The following SMOC2 variants were observed in gnomAD, a reference collection of about 807,000 sequenced individuals.
SMOC2 encodes SPARC-related modular calcium-binding protein 2.
Under a neutral mutation model 61.4 loss-of-function variants are expected in SMOC2, and 39 were observed. The observed-to-expected ratio is 0.64, with a 90% CI of 0.49 to 0.83. The LOEUF is 0.83. SMOC2 is among the 40% of genes least tolerant of loss of function. The probability of loss-of-function intolerance (pLI) is 0.00; values close to 1 mark genes in which losing one functional copy is unlikely to be tolerated. For synonymous variants in SMOC2, 247 were observed against 239.9 expected (o/e 1.03, Z -0.27); for missense variants, 556 against 592.9 (o/e 0.94, Z 0.65).
chr6:168,599,221 C>T (rs563200149), intron 8 of SMOC2, among the ~76,000 whole-genome samples: 1 of 147,376 alleles, frequency 6.8e-6, no homozygotes, highest in Non-Finnish European at 1.5e-5. Context: ...TACCCACACA[C>T]ACCCATGGTC....
At position 168,482,148 on chromosome 6, in the gene SMOC2, A is replaced by G. The variant is rs183188898; in HGVS notation, c.85-27767A>G. Among the ~76,000 whole-genome samples, 9 of 152,096 alleles carry G rather than the reference A, an allele frequency of 5.9e-5. No homozygotes were observed. In the East Asian group the frequency reaches 1.7e-3, roughly 29 times the overall value. ...ATAAAATTGATAACATTTTAGCTAC[A>G]TAGACTAAGAAAAAAAGAGACGTTT... On this transcript the variant is annotated intron_variant, in intron 1 of 12. Coordinates refer to ENST00000356284, the MANE Select transcript of SMOC2 (RefSeq NM_001166412.2).
intron 1 of SMOC2, among the ~76,000 whole-genome samples, chr6:168,471,678 G>T (rs1394342170): frequency 1.3e-5 from 2 of 152,158 alleles, no homozygotes; most frequent in African/African-American, 2.4e-5. Context: ...AATATACAAG[G>T]ACTCTGTTTT....
intron 1 of SMOC2, among the ~76,000 whole-genome samples, chr6:168,488,275 T>C (rs942069555): frequency 2.0e-5 from 3 of 152,244 alleles, no homozygotes; most frequent in Admixed American, 2.0e-4. Flanking sequence ...CCATGGCCGC[T>C]TCCCCCCATG....
intron 1 of SMOC2, among the ~76,000 whole-genome samples, chr6:168,463,847 G>A (rs62424587): frequency 6.6e-6 from 1 of 152,262 alleles, no homozygotes; most frequent in South Asian, 2.1e-4. Flanking sequence ...CTGAGATGAT[G>A]TCTGGAGAAC....
intron 7 of SMOC2, among the ~76,000 whole-genome samples, chr6:168,562,659 C>T (rs372388292): frequency 1.3e-5 from 2 of 152,176 alleles, no homozygotes; most frequent in South Asian, 2.1e-4. Context: ...TCAGAGGGTG[C>T]GTTTCTGATT....
chr6:168,456,548 A>G (rs1243415533), intron 1 of SMOC2, among the ~76,000 whole-genome samples: 1 of 152,228 alleles, frequency 6.6e-6, no homozygotes, highest in Non-Finnish European at 1.5e-5. Flanking sequence ...CTTGGTGGCC[A>G]CAGTGACTCT....
intron 1 of SMOC2, among the ~76,000 whole-genome samples, chr6:168,454,264 G>C (rs1781530455): frequency 2.6e-5 from 4 of 152,144 alleles, no homozygotes; most frequent in Admixed American, 6.5e-5. Flanking sequence ...GGAGGCCCAA[G>C]GGCTCTGTGG....
intron 7 of SMOC2, among the ~76,000 whole-genome samples, chr6:168,552,386 G>T (rs768127978): frequency 8.6e-5 from 13 of 151,902 alleles, no homozygotes; most frequent in South Asian, 2.1e-4. Flanking sequence ...AATAATTTGG[G>T]TATTTAAAAA....
intron 9 of SMOC2, among the ~76,000 whole-genome samples, chr6:168,621,863 G>A (rs1259459478): frequency 1.3e-5 from 2 of 152,170 alleles, no homozygotes; most frequent in South Asian, 2.1e-4. Flanking sequence ...GGGACACAGA[G>A]CCAAACCATA....
chr6:168,643,134 C>T (rs1206437134), intron 9 of SMOC2, among the ~76,000 whole-genome samples: 2 of 152,154 alleles, frequency 1.3e-5, no homozygotes, highest in Non-Finnish European at 2.9e-5. Context: ...CCAGGGTCCC[C>T]GTTCCAAACT....
In SMOC2 at chr6:168,544,910, G is replaced by A. The variant is rs1360158780; in HGVS notation, c.511+1238G>A. 6.6e-6 allele frequency among the ~76,000 whole-genome samples: 1 copy of A among 152,138 alleles called. No homozygotes were observed. Among genetic ancestry groups the A allele is most frequent in the Non-Finnish European group, 1.5e-5 (1 of 68,024 alleles). ...AGGCAGGACTGGCTTCCTGGAAGGG[G>A]AAATATGTAACAGGTGTGAGCTGGA... On this transcript the variant is annotated intron_variant, in intron 5 of 12. Transcript: ENST00000356284. This position sits in a 1 kb window ranked among gnomAD's most constrained non-coding sequence, Gnocchi z 4.1.
At chr6:168,515,269 G>A (rs1182845147) in intron 2 of SMOC2, among the ~76,000 whole-genome samples, 3 of 152,142 alleles carry the variant, frequency 2.0e-5, no homozygotes, top group African/African-American at 7.2e-5. Context: ...TGGAAAGAAC[G>A]CACAGACACC....
intron 12 of SMOC2, 117 bp from the exon 13 acceptor site, chr6:168,666,304 A>G: frequency 1.7e-6 from 2 of 1,146,584 alleles, no homozygotes; most frequent in Non-Finnish European, 1.3e-6. Flanking sequence ...TACACCTCAC[A>G]TGACCTGCCC....
chr6:168,550,674 A>T (rs970495579), intron 7 of SMOC2, among the ~76,000 whole-genome samples: 5 of 152,172 alleles, frequency 3.3e-5, no homozygotes, highest in Non-Finnish European at 7.3e-5. Flanking sequence ...GGAGATGAGG[A>T]AGGGCAAACC....
At chr6:168,580,400 G>T (rs1322687890) in intron 7 of SMOC2, among the ~76,000 whole-genome samples, 1 of 152,234 alleles carries the variant, frequency 6.6e-6, no homozygotes. Flanking sequence ...AGAGGCAGGG[G>T]TGCCGTTTTA....
intron 2 of SMOC2, among the ~76,000 whole-genome samples, chr6:168,515,451 C>T (rs941764115): frequency 1.4e-4 from 4 of 27,998 alleles, no homozygotes; most frequent in Non-Finnish European, 3.7e-4. Context: ...AGGCTCCGTC[C>T]GCTTTCCGCT....
intron 9 of SMOC2, among the ~76,000 whole-genome samples, chr6:168,610,991 C>T (rs974602898): frequency 6.6e-5 from 10 of 152,250 alleles, no homozygotes; most frequent in African/African-American, 2.4e-4. Context: ...ACCACACCTT[C>T]TTCTTGGACA....
intron 2 of SMOC2, among the ~76,000 whole-genome samples, chr6:168,513,342 G>GTT (rs66518172): frequency 1.7e-4 from 25 of 151,184 alleles, no homozygotes; most frequent in African/African-American, 3.6e-4. Flanking sequence ...GTCCTTATAG[G>GTT]TTTTTTTTTC....
chr6:168,453,818 A>G lies in SMOC2; in HGVS notation c.84+12364A>G, dbSNP rs962825442. ...CTGTCATTCTCCATCTCTGTCCTCT[A>G]TCTCTCTCCGTCTCTCTGTTTGTCT... On this transcript the variant is annotated intron_variant, in intron 1 of 12. Transcript: ENST00000356284. This position sits in a 1 kb window ranked among gnomAD's most constrained non-coding sequence, Gnocchi z 4.4. Among the ~76,000 whole-genome samples, 6 of 142,180 alleles carry G rather than the reference A, an allele frequency of 4.2e-5. No homozygotes were observed. Among genetic ancestry groups the G allele is most frequent in the East Asian group, 2.1e-4 (1 of 4,666 alleles). 93.3% of individuals were successfully genotyped at this position (142,180 alleles called of 152,430 possible). A position where few individuals can be genotyped will look rare whatever the true frequency, so the allele number is the denominator to read the frequency against.
Sources: allele counts gnomAD v4.1 joint callset (sites outside exome capture counted in the v4.1 genomes callset), GRCh38; gene constraint gnomAD v4.1.1; non-coding constraint Gnocchi (gnomAD v3.1); transcripts MANE v1.5; gene names NCBI Gene and HGNC (gene_info 2026-07-23, HGNC 2026-07-21).